Variants in PIEZO2 observed in about 807,000 individuals in gnomAD.
PIEZO2 encodes piezo-type mechanosensitive ion channel component 2.
In PIEZO2, 172 loss-of-function variants were observed where a neutral mutation model predicts 337.3. The observed-to-expected ratio is 0.51, with a 90% CI of 0.45 to 0.58. The LOEUF (loss-of-function observed/expected upper bound fraction) is 0.58, where lower values mean the gene tolerates loss of function less well. PIEZO2 is among the 20% of genes least tolerant of loss of function. The pLI is 0.00. For missense variants in PIEZO2, 3,028 were observed against 3,391.3 expected (o/e 0.89, Z 2.66); for synonymous variants, 1,251 against 1,228.5 (o/e 1.02, Z -0.38).
intron 42 of PIEZO2, among the ~76,000 whole-genome samples, chr18:10,702,729 G>T (rs2035395815): frequency 6.6e-6 from 1 of 152,304 alleles, no homozygotes; most frequent in South Asian, 2.1e-4. Context: ...TGCGTAGCAG[G>T]GTTCTTGGTT....
At chr18:10,981,033 G>C (rs1366435401) in intron 2 of PIEZO2, among the ~76,000 whole-genome samples, 1 of 152,118 alleles carries the variant, frequency 6.6e-6, no homozygotes, top group African/African-American at 2.4e-5. Context: ...TGCCCATGAT[G>C]TTCTCTTCCT....
chr18:10,922,218 A>C (rs931881739), intron 3 of PIEZO2, among the ~76,000 whole-genome samples: 1 of 152,124 alleles, frequency 6.6e-6, no homozygotes, highest in Non-Finnish European at 1.5e-5. Flanking sequence ...ATCTACCGAC[A>C]TGTGATGTCT....
At chr18:10,706,881 G>A (rs1409783283) in intron 40 of PIEZO2, among the ~76,000 whole-genome samples, 1 of 152,156 alleles carries the variant, frequency 6.6e-6, no homozygotes, top group Non-Finnish European at 1.5e-5. Flanking sequence ...GTGACCACCA[G>A]GGTTCCATAA....
In PIEZO2 at chr18:11,104,263, A is replaced by G. The variant is rs138135066; in HGVS notation, c.65-38041T>C. ...TTTTCACATACTCTGAGAATGTAAA[A>G]GGTGGCAGTGTGGGGAGAATATCGT... On this transcript the variant is annotated intron_variant, in intron 1 of 55. Transcript: ENST00000674853. This position sits in a 1 kb window ranked among gnomAD's most constrained non-coding sequence, Gnocchi z 4.6. 2.4e-3 allele frequency among the ~76,000 whole-genome samples: 364 copies of G among 152,336 alleles called. 4 individuals carry two copies. The highest frequency in any genetic ancestry group is 8.4e-3 in the African/African-American group (351 of 41,584).
rs942547794 is a variant in PIEZO2, at chr18:11,047,891, G to A, written c.160+18236C>T. On this transcript the variant is annotated intron_variant, in intron 2 of 55. Coordinates refer to ENST00000674853, the MANE Select transcript of PIEZO2 (RefSeq NM_001378183.1). The surrounding 1 kb of genome is among the most constrained non-coding windows in gnomAD (Gnocchi z 7.2). ...CCTAAGTGCAAAGGGACCTGTAAGA[G>A]TTAATGGCTGGCCAGGTTGCCAGGA... 6.6e-6 allele frequency among the ~76,000 whole-genome samples: 1 copy of A among 152,200 alleles called. No homozygotes were observed. Among genetic ancestry groups the A allele is most frequent in the African/African-American group, 2.4e-5 (1 of 41,452 alleles).
intron 7 of PIEZO2, among the ~76,000 whole-genome samples, chr18:10,844,074 A>G (rs1406534157): frequency 6.6e-6 from 1 of 152,150 alleles, no homozygotes; most frequent in Non-Finnish European, 1.5e-5. Flanking sequence ...TCATAAGGGC[A>G]CAGCCTTAGA....
intron 34 of PIEZO2, among the ~76,000 whole-genome samples, chr18:10,736,284 TC>T (rs1403934744): frequency 9.1e-5 from 4 of 43,996 alleles, no homozygotes; most frequent in Non-Finnish European, 1.6e-4. Flanking sequence ...GCCAGAGAAG[TC>T]TTTTTCACTT....
chr18:10,773,296 A>G lies in PIEZO2; in HGVS notation c.2785+116T>C, dbSNP rs574891205. 619 of 1,080,696 alleles carry G rather than the reference A, an allele frequency of 5.7e-4. 4 individuals are homozygous for G. In the South Asian group the frequency reaches 9.3e-3, roughly 16 times the overall value. The allele number at this position is 1,080,696 out of a possible 1,614,324, so 66.9% of individuals were successfully genotyped here. On this transcript the variant is annotated intron_variant, in intron 20 of 55. Transcript: ENST00000674853. The surrounding 1 kb of genome is among the most constrained non-coding windows in gnomAD (Gnocchi z 5.3). The stretch of plus-strand genomic sequence containing the variant: ...ATAGCAATCAAACAAAAACCACTCC[A>G]ATTTTTATGTCATGGACTGGGTCAA...
intron 7 of PIEZO2, among the ~76,000 whole-genome samples, chr18:10,849,067 C>T (rs1256469256): frequency 1.3e-5 from 2 of 152,184 alleles, no homozygotes; most frequent in Admixed American, 6.5e-5. Flanking sequence ...AGTGCAGTGA[C>T]ACGATCTCAG....
In PIEZO2 at chr18:11,143,427, T is replaced by G. The variant is rs1000371363; in HGVS notation, c.64+5098A>C. On this transcript the variant is annotated intron_variant, in intron 1 of 55. Coordinates refer to ENST00000674853, the MANE Select transcript of PIEZO2 (RefSeq NM_001378183.1). This position sits in a 1 kb window ranked among gnomAD's most constrained non-coding sequence, Gnocchi z 4.9. ...AAATAAAATCACATTAAATAAAGAC[T>G]ACAAAAATGGTGCTGAAAAACAAAA... Among the ~76,000 whole-genome samples, 1 of 152,142 alleles carries G rather than the reference T, an allele frequency of 6.6e-6. No homozygotes were observed. Among genetic ancestry groups the G allele is most frequent in the Non-Finnish European group, 1.5e-5 (1 of 68,022 alleles).
At position 10,834,653 on chromosome 18, in the gene PIEZO2, A is replaced by C. The variant is rs2040950544; in HGVS notation, c.917+20700T>G. ...GTATCATGTAAGCAACTGTAGGAAGAAGAAGCCAAAGCCGCAGGAGGCTAG... is the reference window on the plus strand; with the variant it reads ...GTATCATGTAAGCAACTGTAGGAAGCAGAAGCCAAAGCCGCAGGAGGCTAG... On this transcript the variant is annotated intron_variant, in intron 7 of 55. Coordinates refer to ENST00000674853, the MANE Select transcript of PIEZO2 (RefSeq NM_001378183.1). This position sits in a 1 kb window ranked among gnomAD's most constrained non-coding sequence, Gnocchi z 4.5. 6.6e-6 allele frequency among the ~76,000 whole-genome samples: 1 copy of C among 152,192 alleles called. No individual in the cohort carries two copies. The highest frequency in any genetic ancestry group is 1.5e-5 in the Non-Finnish European group (1 of 68,038).
chr18:10,724,910 G>A lies in PIEZO2; in HGVS notation c.5029+6497C>T. Reference sequence around the variant, plus strand: ...GGCCGGCGGGGGCGTGGCACCCTGGGACAGCCTCCACCTGGACGGCGATGG... The same window carrying A: ...GGCCGGCGGGGGCGTGGCACCCTGGAACAGCCTCCACCTGGACGGCGATGG... On this transcript the variant is annotated intron_variant, in intron 36 of 55. Coordinates refer to ENST00000674853, the MANE Select transcript of PIEZO2 (RefSeq NM_001378183.1). The surrounding 1 kb of genome is among the most constrained non-coding windows in gnomAD (Gnocchi z 5.8). 6.2e-7 allele frequency: 1 copy of A among 1,609,146 alleles called. No individual in the cohort carries two copies.
rs1044974089 is a variant in PIEZO2, at chr18:11,027,801, C to A, written c.160+38326G>T. 4.7e-5 allele frequency among the ~76,000 whole-genome samples: 7 copies of A among 149,550 alleles called. No homozygotes were observed. The highest frequency in any genetic ancestry group is 1.5e-4 in the African/African-American group (6 of 39,830). On this transcript the variant is annotated intron_variant, in intron 2 of 55. Transcript: ENST00000674853. This position sits in a 1 kb window ranked among gnomAD's most constrained non-coding sequence, Gnocchi z 4.2. ...TGATCTATCATTTAGCGTTTCAGTT[C>A]AATACTGAAATTTCAGCTTATGACT...
At chr18:10,751,643 C>G (rs1419693468) in intron 28 of PIEZO2, among the ~76,000 whole-genome samples, 1 of 152,146 alleles carries the variant, frequency 6.6e-6, no homozygotes, top group African/African-American at 2.4e-5. Flanking sequence ...AACTGAATTG[C>G]CTGGAGAGCT....
rs1186537103 is a variant in PIEZO2 at position 10,863,528 on chromosome 18, T to C, written c.493-6317A>G. Among the ~76,000 whole-genome samples the C allele has an allele frequency of 6.6e-6, 1 of 152,176 alleles. No individual in the cohort carries two copies. Among genetic ancestry groups the C allele is most frequent in the African/African-American group, 2.4e-5 (1 of 41,450 alleles). On this transcript the variant is annotated intron_variant, in intron 5 of 55. Transcript: ENST00000674853. The surrounding 1 kb of genome is among the most constrained non-coding windows in gnomAD (Gnocchi z 4.3). ...TAATAAAGAACAGGGAAGGACAAAC[T>C]GAATCAGCAGACAGTGGCCAGTTAG...
At chr18:10,768,755 T>C (rs777748265) in intron 21 of PIEZO2, among the ~76,000 whole-genome samples, 11 of 152,234 alleles carry the variant, frequency 7.2e-5, no homozygotes, top group Non-Finnish European at 8.8e-5. Flanking sequence ...GTTTACTTGA[T>C]GGTCTGTTAA....
At chr18:11,062,690 CA>C (rs2038011127) in intron 2 of PIEZO2, among the ~76,000 whole-genome samples, 2 of 152,128 alleles carry the variant, frequency 1.3e-5, no homozygotes, top group African/African-American at 4.8e-5. Flanking sequence ...CAGAGAAATG[CA>C]AATCAAAACC....
chr18:10,930,867 C>A (rs953110034), intron 3 of PIEZO2, among the ~76,000 whole-genome samples: 1 of 152,082 alleles, frequency 6.6e-6, no homozygotes, highest in Non-Finnish European at 1.5e-5. Flanking sequence ...TGTAGGTAAC[C>A]GATGTCTCTA....
At chr18:10,814,249 A>G (rs12959717) in intron 7 of PIEZO2, among the ~76,000 whole-genome samples, 41,535 of 151,948 alleles carry the variant, frequency 0.27, 6,221 homozygotes, top group East Asian at 0.69. Flanking sequence ...GATTACAGGC[A>G]TGAGCCACCG....
Sources: allele counts gnomAD v4.1 joint callset (sites outside exome capture counted in the v4.1 genomes callset), GRCh38; gene constraint gnomAD v4.1.1; non-coding constraint Gnocchi (gnomAD v3.1); transcripts MANE v1.5; gene names NCBI Gene and HGNC (gene_info 2026-07-23, HGNC 2026-07-21).